ANKS1A: variants seen among roughly 807,000 people sequenced by gnomAD.
ANKS1A encodes the protein ankyrin repeat and sterile alpha motif domain containing 1A.
ANKS1A carries 55 observed loss-of-function variants against 120.3 expected under a neutral mutation model. That is an observed-to-expected ratio of 0.46 (90% CI 0.37 to 0.57). The LOEUF (loss-of-function observed/expected upper bound fraction) is 0.57. ANKS1A is among the 20% of genes least tolerant of loss of function. The pLI, the probability that ANKS1A is intolerant of heterozygous loss-of-function variation, is 0.00. For synonymous variants in ANKS1A, 590 were observed against 604.7 expected, an observed-to-expected ratio of 0.98 and a Z score of 0.36; for missense variants, 1,123 against 1,480.3, an observed-to-expected ratio of 0.76 and a Z score of 3.96.
intron 11 of ANKS1A, chr6:35,023,689 G>A: frequency 2.6e-6 from 1 of 385,424 alleles, no homozygotes; most frequent in South Asian, 2.3e-5. Context: ...AAAGGAAAGG[G>A]TAGAGAGATT....
Position 35,082,731 on chromosome 6 carries a change from G to A in ANKS1A, c.2750G>A (p.Ser917Asn), listed in dbSNP as rs1327633814. 1.9e-6 allele frequency: 3 copies of A among 1,613,526 alleles called. No homozygotes were observed. Among genetic ancestry groups the A allele is most frequent in the Admixed American group, 3.3e-5 (2 of 59,946 alleles). Residue 917 changes from serine to asparagine, a missense_variant, in exon 18 of 24, where the codon AGC becomes AAC. Ser to Asn is a conservative substitution (Grantham distance 46, BLOSUM62 1). Transcript: ENST00000360359. The surrounding 1 kb of genome is among the most constrained non-coding windows in gnomAD (Gnocchi z 4.1). ...GCCAAGCTGACCCTGCGGCCCCCGA[G>A]CCTGGCAGCCCCCTACGCCCCAGTG... ...REAKLTLRPP[S>N]LAAPYAPVQS...
At chr6:35,005,464 GA>G (rs1773400374) in intron 10 of ANKS1A, among the ~76,000 whole-genome samples, 1 of 152,144 alleles carries the variant, frequency 6.6e-6, no homozygotes. Context: ...GTACTCAGAG[GA>G]AAGTTTATAT....
At chr6:34,956,571 G>A (rs943826823) in intron 1 of ANKS1A, among the ~76,000 whole-genome samples, 2 of 152,108 alleles carry the variant, frequency 1.3e-5, no homozygotes, top group East Asian at 1.9e-4. Context: ...GGAAATCCCC[G>A]AAAGCCATCA....
intron 3 of ANKS1A, among the ~76,000 whole-genome samples, chr6:34,980,897 G>C (rs996978453): frequency 2.0e-5 from 3 of 152,212 alleles, no homozygotes; most frequent in African/African-American, 7.2e-5. Context: ...TGTGGGTTGT[G>C]AGCTTGAATT....
chr6:35,032,646 G>T (rs1209956582), intron 11 of ANKS1A, among the ~76,000 whole-genome samples: 1 of 152,162 alleles, frequency 6.6e-6, no homozygotes, highest in Non-Finnish European at 1.5e-5. Context: ...CTGCGCTTGG[G>T]CATAGATAGG....
At chr6:34,990,527 TAATAAG>T (rs1206247355) in intron 9 of ANKS1A, among the ~76,000 whole-genome samples, 8 of 144,024 alleles carry the variant, frequency 5.6e-5, no homozygotes, top group African/African-American at 1.5e-4. Context: ...AGAAGCCTAA[TAATAAG>T]AATATTCAGT....
rs1778136601 is a variant in ANKS1A, at chr6:35,088,757, C to T, written c.*148C>T. On this transcript the variant is annotated 3_prime_UTR_variant, in exon 24 of 24. Transcript: ENST00000360359. The stretch of plus-strand genomic sequence containing the variant: ...CCTCCTCTTGGCCACTTGGCCTGGG[C>T]CTGCCACCACCACGTCCTGCAGAAC... 1 of 1,572,014 alleles carries T rather than the reference C, an allele frequency of 6.4e-7. No homozygotes were observed. Among genetic ancestry groups the T allele is most frequent in the African/African-American group, 1.4e-5 (1 of 73,870 alleles).
chr6:35,057,890 T>C lies in ANKS1A; in HGVS notation c.2078-2257T>C, dbSNP rs1737779095. On this transcript the variant is annotated intron_variant, in intron 12 of 23. Transcript: ENST00000360359. This position sits in a 1 kb window ranked among gnomAD's most constrained non-coding sequence, Gnocchi z 4.1. Reference sequence around the variant, plus strand: ...TCATTCCTGTGTCCTCTCCTGGCTGTCCTGGAAACTGTCGAACAAAGCTCT... The same window carrying C: ...TCATTCCTGTGTCCTCTCCTGGCTGCCCTGGAAACTGTCGAACAAAGCTCT... Among the ~76,000 whole-genome samples, 1 of 152,228 alleles carries C rather than the reference T, an allele frequency of 6.6e-6. No individual in the cohort carries two copies. The highest frequency in any genetic ancestry group is 2.1e-4 in the South Asian group (1 of 4,828).
chr6:34,971,782 T>C (rs1434369954), intron 3 of ANKS1A, among the ~76,000 whole-genome samples: 1 of 152,170 alleles, frequency 6.6e-6, no homozygotes, highest in Non-Finnish European at 1.5e-5. Context: ...AAAATTAAAA[T>C]AGTGCTCCCA....
At chr6:34,943,058 C>A (rs1460376175) in intron 1 of ANKS1A, among the ~76,000 whole-genome samples, 1 of 151,956 alleles carries the variant, frequency 6.6e-6, no homozygotes, top group East Asian at 1.9e-4. Flanking sequence ...ACCTTTAACT[C>A]CTGGGCTCAG....
Position 34,982,663 on chromosome 6 carries a change from T to C in ANKS1A, c.733-89T>C, listed in dbSNP as rs1380700829. 7.8e-7 allele frequency: 1 copy of C among 1,277,054 alleles called. No individual in the cohort carries two copies. Among genetic ancestry groups the C allele is most frequent in the East Asian group, 2.3e-5 (1 of 43,020 alleles). The allele number at this position is 1,277,054 out of a possible 1,614,324, so 79.1% of individuals were successfully genotyped here. On this transcript the variant is annotated intron_variant, in intron 4 of 23. Transcript: ENST00000360359. The surrounding 1 kb of genome is among the most constrained non-coding windows in gnomAD (Gnocchi z 4.9). The stretch of plus-strand genomic sequence containing the variant: ...TTTGTGTAGTTTGTTTTATTTTGTG[T>C]CCCTTCTTGTCTGTGTCCCCTTTGT...
chr6:34,893,765 G>A (rs1386833393), intron 1 of ANKS1A, among the ~76,000 whole-genome samples: 1 of 152,024 alleles, frequency 6.6e-6, no homozygotes, highest in Admixed American at 6.6e-5. Context: ...CCTACCTCCC[G>A]GCTGTTTGAA....
At chr6:34,955,643 C>T (rs1770328069) in intron 1 of ANKS1A, among the ~76,000 whole-genome samples, 3 of 152,248 alleles carry the variant, frequency 2.0e-5, no homozygotes, top group South Asian at 4.1e-4. Context: ...ACCCCGTTTC[C>T]TGGATACCCA....
At chr6:34,960,971 A>G (rs1354436952) in intron 1 of ANKS1A, among the ~76,000 whole-genome samples, 1 of 152,218 alleles carries the variant, frequency 6.6e-6, no homozygotes, top group Non-Finnish European at 1.5e-5. Flanking sequence ...CGCAGAGCCC[A>G]AGCTCCTAAC....
At chr6:35,001,248 A>G (rs1160664579) in intron 10 of ANKS1A, among the ~76,000 whole-genome samples, 1 of 152,264 alleles carries the variant, frequency 6.6e-6, no homozygotes, top group Non-Finnish European at 1.5e-5. Flanking sequence ...GCTGAAGGAA[A>G]CATTCATTTT....
rs1035085416 is a variant in ANKS1A at position 34,936,340 on chromosome 6, C to T, written c.198-30899C>T. Among the ~76,000 whole-genome samples, 2 of 152,200 alleles carry T rather than the reference C, an allele frequency of 1.3e-5. 1 individual carries two copies. The highest frequency in any genetic ancestry group is 2.9e-5 in the Non-Finnish European group (2 of 68,042). Reference sequence around the variant, plus strand: ...GAGATTCTGATTGTGCCTGTCCTCACAGTGGAGGGAGGCCTTTGGAGGGCC... The same window carrying T: ...GAGATTCTGATTGTGCCTGTCCTCATAGTGGAGGGAGGCCTTTGGAGGGCC... On this transcript the variant is annotated intron_variant, in intron 1 of 23. Coordinates refer to ENST00000360359, the MANE Select transcript of ANKS1A (RefSeq NM_015245.3).
At chr6:35,001,697 TG>T (rs550107099) in intron 10 of ANKS1A, among the ~76,000 whole-genome samples, 61 of 152,344 alleles carry the variant, frequency 4.0e-4, no homozygotes, top group African/African-American at 1.5e-3. Flanking sequence ...AGTCAGCCCT[TG>T]TTCATCCCCG....
chr6:34,962,947 T>C lies in ANKS1A; in HGVS notation c.198-4292T>C, dbSNP rs370786506. On this transcript the variant is annotated intron_variant, in intron 1 of 23. Coordinates refer to ENST00000360359, the MANE Select transcript of ANKS1A (RefSeq NM_015245.3). ...CACGATCTCGGCTCACTGCAACCTC[T>C]GCCTCCCAGGTTCAAGCAGTTCTCC... Among the ~76,000 whole-genome samples the C allele has an allele frequency of 2.0e-5, 3 of 150,736 alleles. No homozygotes were observed. In the East Asian group the frequency reaches 6.0e-4, roughly 30 times the overall value.
rs199745560 is a variant in ANKS1A, at chr6:35,084,047, G to A, written c.2995-74G>A. On this transcript the variant is annotated intron_variant, in intron 20 of 23. Coordinates refer to ENST00000360359, the MANE Select transcript of ANKS1A (RefSeq NM_015245.3). The surrounding 1 kb of genome is among the most constrained non-coding windows in gnomAD (Gnocchi z 4.8). ...GCTGGGACAGAGAACAGTGACAATGGTAACAGGCTGGGGCAGGGGGTGCCA... is the reference window on the plus strand; with the variant it reads ...GCTGGGACAGAGAACAGTGACAATGATAACAGGCTGGGGCAGGGGGTGCCA... 3.8e-6 allele frequency: 6 copies of A among 1,585,312 alleles called. No individual in the cohort carries two copies. The highest frequency in any genetic ancestry group is 4.3e-6 in the Non-Finnish European group (5 of 1,161,898).
Sources: allele counts gnomAD v4.1 joint callset (sites outside exome capture counted in the v4.1 genomes callset), GRCh38; gene constraint gnomAD v4.1.1; non-coding constraint Gnocchi (gnomAD v3.1); transcripts MANE v1.5; gene names NCBI Gene and HGNC (gene_info 2026-07-23, HGNC 2026-07-21).